Variants in MET observed in about 807,000 individuals in gnomAD.
The protein encoded by MET is hepatocyte growth factor receptor.
Under a neutral mutation model 133.1 loss-of-function variants are expected in MET, and 48 were observed. The ratio of observed to expected loss-of-function variants is 0.36; its 90% CI spans 0.29 to 0.46. The LOEUF (loss-of-function observed/expected upper bound fraction) is 0.46, where lower values mean the gene tolerates loss of function less well. Ranked by LOEUF, MET falls within the 20% of genes least tolerant of loss-of-function variation. The pLI is 1.00. For missense variants in MET, 1,442 were observed against 1,695.9 expected, an observed-to-expected ratio of 0.85 and a Z score of 2.63; for synonymous variants, 628 against 616.5, an observed-to-expected ratio of 1.02 and a Z score of -0.28.
At chr7:116,729,592 T>C (rs1040290269) in intron 2 of MET, among the ~76,000 whole-genome samples, 11 of 152,240 alleles carry the variant, frequency 7.2e-5, no homozygotes, top group Admixed American at 3.9e-4. Context: ...CTAATCATTT[T>C]CCTACACTTA....
At chr7:116,722,816 C>T (rs1792551996) in intron 2 of MET, among the ~76,000 whole-genome samples, 1 of 152,072 alleles carries the variant, frequency 6.6e-6, no homozygotes, top group Non-Finnish European at 1.5e-5. Context: ...GGCCCCCACT[C>T]TCTTCTGGCT....
rs587778442 is a variant in MET, at chr7:116,699,594, C to T, written c.510C>T (p.Ser170=). The change falls in exon 2 of 21, where the codon AGC becomes AGT. Residue 170 remains serine, a synonymous_variant. Coordinates refer to ENST00000397752, the MANE Select transcript of MET (RefSeq NM_000245.4). Reference sequence around the variant, plus strand: ...TCTCCCCACAGATAGAAGAGCCCAGCCAGTGTCCTGACTGTGTGGTGAGCG... The same window carrying T: ...TCTCCCCACAGATAGAAGAGCCCAGTCAGTGTCCTGACTGTGTGGTGAGCG... The part of the protein sequence containing the change: ...CIFSPQIEEP[S]QCPDCVVSAL... 6.2e-7 allele frequency: 1 copy of T among 1,613,984 alleles called. No individual in the cohort carries two copies. The highest frequency in any genetic ancestry group is 8.5e-7 in the Non-Finnish European group (1 of 1,179,942).
At chr7:116,768,092 G>A (rs1031820555) in intron 11 of MET, among the ~76,000 whole-genome samples, 1 of 148,496 alleles carries the variant, frequency 6.7e-6, no homozygotes, top group African/African-American at 2.5e-5. Context: ...TGTGTCCTTT[G>A]GTATCTACAT....
chr7:116,680,778 A>C (rs1334685859), intron 1 of MET, among the ~76,000 whole-genome samples: 2 of 151,982 alleles, frequency 1.3e-5, no homozygotes, highest in African/African-American at 4.8e-5. Context: ...CCCCCTCTTA[A>C]AAAAATTACA....
At chr7:116,746,146 A>G (rs1793672217) in intron 5 of MET, among the ~76,000 whole-genome samples, 1 of 152,262 alleles carries the variant, frequency 6.6e-6, no homozygotes, top group African/African-American at 2.4e-5. Flanking sequence ...TCTCAAAAGA[A>G]GACATTTATG....
intron 5 of MET, among the ~76,000 whole-genome samples, chr7:116,745,836 A>G (rs978365089): frequency 3.2e-4 from 49 of 152,370 alleles, no homozygotes; most frequent in African/African-American, 1.1e-3. Flanking sequence ...CTTAGAAGAA[A>G]ACCTAGGCAA....
intron 5 of MET, among the ~76,000 whole-genome samples, chr7:116,753,603 G>A (rs575554044): frequency 3.9e-5 from 6 of 152,140 alleles, no homozygotes; most frequent in Admixed American, 1.3e-4. Context: ...CCATCAGGGG[G>A]AAAAATTTAA....
chr7:116,704,711 C>T (rs935240523), intron 2 of MET, among the ~76,000 whole-genome samples: 3 of 152,016 alleles, frequency 2.0e-5, no homozygotes, highest in East Asian at 1.9e-4. Context: ...GGGAGAAAGA[C>T]AATTGAATCA....
chr7:116,747,079 C>G (rs1371207580), intron 5 of MET, among the ~76,000 whole-genome samples: 1 of 152,106 alleles, frequency 6.6e-6, no homozygotes, highest in East Asian at 1.9e-4. Context: ...CCTTTACAGT[C>G]AAGCAAATGC....
intron 14 of MET, among the ~76,000 whole-genome samples, chr7:116,773,479 C>A (rs1794896059): frequency 6.6e-6 from 1 of 152,200 alleles, no homozygotes; most frequent in Non-Finnish European, 1.5e-5. Context: ...AATCTGTGCA[C>A]CCTTAAGCAT....
intron 19 of MET, among the ~76,000 whole-genome samples, chr7:116,794,257 T>C (rs1214044515): frequency 3.3e-5 from 5 of 152,220 alleles, no homozygotes; most frequent in South Asian, 4.1e-4. Flanking sequence ...CAAGGGTCAA[T>C]TGATACTTGT....
intron 12 of MET, among the ~76,000 whole-genome samples, chr7:116,770,113 C>G (rs1443404024): frequency 6.6e-6 from 1 of 152,156 alleles, no homozygotes; most frequent in African/African-American, 2.4e-5. Context: ...CCCACCACCC[C>G]AGGAGGCCAG....
Position 116,758,455 on chromosome 7 carries a change from T to C in MET, c.2103-4T>C, listed in dbSNP as rs753740913. The C allele has an allele frequency of 1.0e-4, 165 of 1,613,336 alleles. No homozygotes were observed. The highest frequency in any genetic ancestry group is 1.3e-4 in the Non-Finnish European group (157 of 1,179,548). On this transcript the variant is annotated splice_polypyrimidine_tract_variant and splice_region_variant and intron_variant, in intron 8 of 20. Coordinates refer to ENST00000397752, the MANE Select transcript of MET (RefSeq NM_000245.4). The stretch of plus-strand genomic sequence containing the variant: ...AATTCACTTCCTTAATTTTTTTTGT[T>C]CAGTGTGTCAAACAGTATTCTTGAA...
chr7:116,752,068 A>AG (rs1354354733), intron 5 of MET, among the ~76,000 whole-genome samples: 1 of 152,132 alleles, frequency 6.6e-6, no homozygotes, highest in African/African-American at 2.4e-5. Context: ...CTCAATAAAA[A>AG]AAAAGAAAGA....
At chr7:116,723,611 G>A (rs1310174152) in intron 2 of MET, among the ~76,000 whole-genome samples, 2 of 152,122 alleles carry the variant, frequency 1.3e-5, no homozygotes, top group East Asian at 1.9e-4. Flanking sequence ...CATCTTTGTG[G>A]TTTTATCTAC....
chr7:116,763,313 T>C (rs768994279), intron 11 of MET, 45 bp downstream of exon 11: 3 of 1,527,226 alleles, frequency 2.0e-6, no homozygotes. Context: ...AGCTCAAACT[T>C]AATTGACTTC....
At position 116,769,641 on chromosome 7, in the gene MET, T is replaced by C. The variant is rs1554397896; in HGVS notation, c.2584-4T>C. ...ACAACCTTTTTTTTTTTTTTTCCTT[T>C]CAGGGAAATGATATTGACCCTGAAG... On this transcript the variant is annotated splice_polypyrimidine_tract_variant and splice_region_variant and intron_variant, in intron 11 of 20. Coordinates refer to ENST00000397752, the MANE Select transcript of MET (RefSeq NM_000245.4). 6.2e-7 allele frequency: 1 copy of C among 1,612,632 alleles called. No homozygotes were observed. The highest frequency in any genetic ancestry group is 8.5e-7 in the Non-Finnish European group (1 of 1,179,446).
At chr7:116,768,081 A>G (rs979363298) in intron 11 of MET, among the ~76,000 whole-genome samples, 3 of 151,304 alleles carry the variant, frequency 2.0e-5, no homozygotes, top group Non-Finnish European at 4.4e-5. Flanking sequence ...ACTACTTACC[A>G]TGTGTCCTTT....
intron 2 of MET, among the ~76,000 whole-genome samples, chr7:116,710,984 T>C (rs1791973042): frequency 1.3e-5 from 2 of 152,244 alleles, no homozygotes; most frequent in Non-Finnish European, 2.9e-5. Flanking sequence ...GTTAATACCC[T>C]GTATGCTGGT....
Sources: allele counts gnomAD v4.1 joint callset (sites outside exome capture counted in the v4.1 genomes callset), GRCh38; gene constraint gnomAD v4.1.1; transcripts MANE v1.5; gene names NCBI Gene and HGNC (gene_info 2026-07-23, HGNC 2026-07-21).